TBC1D5: variants seen among roughly 807,000 people sequenced by gnomAD.
The protein encoded by TBC1D5 is TBC1 domain family, member 5.
Under a neutral mutation model 100.3 loss-of-function variants are expected in TBC1D5, and 75 were observed. The observed-to-expected ratio is 0.75, with a 90% CI of 0.62 to 0.91. The LOEUF is 0.91. Among genes scored for constraint, TBC1D5 ranks in the 40% least tolerant of loss-of-function variants. TBC1D5 has a pLI of 0.00. For missense variants in TBC1D5, 910 were observed against 942.4 expected, an observed-to-expected ratio of 0.97 and a Z score of 0.45; for synonymous variants, 323 against 325.6, an observed-to-expected ratio of 0.99 and a Z score of 0.09.
At chr3:17,469,377 G>T (rs1373022321) in intron 3 of TBC1D5, among the ~76,000 whole-genome samples, 1 of 151,994 alleles carries the variant, frequency 6.6e-6, no homozygotes, top group Non-Finnish European at 1.5e-5. Context: ...TAAAAACAGA[G>T]ATTTCCCAAA....
chr3:17,592,903 T>C (rs1422754750), intron 2 of TBC1D5, among the ~76,000 whole-genome samples: 1 of 152,178 alleles, frequency 6.6e-6, no homozygotes, highest in Admixed American at 6.5e-5. Flanking sequence ...AAACTGAATG[T>C]TTGACTATGG....
At chr3:17,431,647 G>A (rs1265234995) in intron 3 of TBC1D5, among the ~76,000 whole-genome samples, 1 of 151,688 alleles carries the variant, frequency 6.6e-6, no homozygotes, top group Non-Finnish European at 1.5e-5. Flanking sequence ...TTTCCTAATG[G>A]GTTCATAATA....
At chr3:17,436,765 C>G (rs1327876215) in intron 3 of TBC1D5, among the ~76,000 whole-genome samples, 2 of 152,082 alleles carry the variant, frequency 1.3e-5, no homozygotes, top group Non-Finnish European at 2.9e-5. Flanking sequence ...CATGGTCAGT[C>G]TATCAATAAA....
chr3:17,397,305 G>A (rs945371955), intron 8 of TBC1D5, among the ~76,000 whole-genome samples: 2 of 152,178 alleles, frequency 1.3e-5, no homozygotes, highest in Non-Finnish European at 2.9e-5. Flanking sequence ...GACAAAATTT[G>A]CTTAAATAGA....
At position 17,588,548 on chromosome 3, in the gene TBC1D5, T is replaced by C. The variant is rs535878932; in HGVS notation, c.-36+35301A>G. 3.3e-5 allele frequency among the ~76,000 whole-genome samples: 5 copies of C among 150,902 alleles called. No individual in the cohort carries two copies. The South Asian group carries it at 1.0e-3, about 31-fold the overall frequency. On this transcript the variant is annotated intron_variant, in intron 2 of 21. Coordinates refer to ENST00000253692, the Ensembl canonical transcript of TBC1D5. Reference sequence around the variant, plus strand: ...ATAATTTATGTAACATCTGTTTTCATATTTTCCTAATTTTTTTCCTAATTA... The same window carrying C: ...ATAATTTATGTAACATCTGTTTTCACATTTTCCTAATTTTTTTCCTAATTA...
chr3:17,311,066 AGTAAGCT>A (rs1216140725), intron 13 of TBC1D5, among the ~76,000 whole-genome samples: 1 of 152,054 alleles, frequency 6.6e-6, no homozygotes, highest in African/African-American at 2.4e-5. Context: ...AAATTATTTC[AGTAAGCT>A]TTTATATTCT....
At chr3:17,170,242 G>C (rs2067038371) in intron 19 of TBC1D5, among the ~76,000 whole-genome samples, 1 of 152,220 alleles carries the variant, frequency 6.6e-6, no homozygotes, top group South Asian at 2.1e-4. Flanking sequence ...TTTTGCCTCT[G>C]CTGAGCTGAG....
intron 2 of TBC1D5, among the ~76,000 whole-genome samples, chr3:17,552,665 T>C (rs1202249343): frequency 2.6e-5 from 4 of 152,108 alleles, no homozygotes; most frequent in Admixed American, 6.6e-5. Context: ...CAGGTGGTGG[T>C]GCTAATAGCT....
chr3:17,299,033 A>G (rs1048849376), intron 14 of TBC1D5, among the ~76,000 whole-genome samples: 1 of 152,228 alleles, frequency 6.6e-6, no homozygotes, highest in African/African-American at 2.4e-5. Context: ...AATTATGGTA[A>G]AAGATTAGCA....
At chr3:17,256,819 G>A (rs1373315697) in intron 16 of TBC1D5, among the ~76,000 whole-genome samples, 2 of 152,148 alleles carry the variant, frequency 1.3e-5, no homozygotes, top group Non-Finnish European at 2.9e-5. Context: ...GAATAGGGGA[G>A]GTGAAGACAG....
chr3:17,629,980 G>A (rs1170594108), intron 1 of TBC1D5, among the ~76,000 whole-genome samples: 1 of 152,120 alleles, frequency 6.6e-6, no homozygotes, highest in Non-Finnish European at 1.5e-5. Context: ...TAAAAATAAG[G>A]CAGGATGACA....
chr3:17,733,233 T>C (rs1250740808), intron 1 of TBC1D5, among the ~76,000 whole-genome samples: 1 of 152,174 alleles, frequency 6.6e-6, no homozygotes, highest in African/African-American at 2.4e-5. Context: ...TCCAGGTCTA[T>C]TTATCACTTC....
intron 16 of TBC1D5, among the ~76,000 whole-genome samples, chr3:17,256,645 A>G (rs2077715042): frequency 6.6e-6 from 1 of 152,160 alleles, no homozygotes; most frequent in Admixed American, 6.5e-5. Flanking sequence ...ATATGTGTTG[A>G]GTGCCTTCCC....
chr3:17,661,290 G>C (rs1306855879), intron 1 of TBC1D5, among the ~76,000 whole-genome samples: 3 of 152,152 alleles, frequency 2.0e-5, no homozygotes, highest in Non-Finnish European at 4.4e-5. Context: ...GAGACTTAAT[G>C]GTTATACATC....
At position 17,664,326 on chromosome 3, in the gene TBC1D5, TC is replaced by T. The variant is rs1244835815; in HGVS notation, c.-100-40414del. On this transcript the variant is annotated intron_variant, in intron 1 of 21. Coordinates refer to ENST00000253692, the Ensembl canonical transcript of TBC1D5. ...ACCTCGTAATCCACCCACCTCAGCC[TC>T]CCAAAGTGCTGGGATTACAGGTGTG... is the stretch of plus-strand genomic sequence containing the variant. Among the ~76,000 whole-genome samples, 6 of 152,264 alleles carry T rather than the reference TC, an allele frequency of 3.9e-5. No individual in the cohort carries two copies. The East Asian group carries it at 9.7e-4, about 25-fold the overall frequency.
At chr3:17,424,253 A>G (rs916149239) in intron 4 of TBC1D5, among the ~76,000 whole-genome samples, 1 of 152,232 alleles carries the variant, frequency 6.6e-6, no homozygotes, top group East Asian at 1.9e-4. Context: ...TACTACAGCT[A>G]AACAGATTAA....
At position 17,360,230 on chromosome 3, in the gene TBC1D5, T is replaced by C. The variant is rs758056840; in HGVS notation, c.995+11845A>G. 2.6e-5 allele frequency among the ~76,000 whole-genome samples: 4 copies of C among 152,042 alleles called. No homozygotes were observed. In the South Asian group the frequency reaches 6.2e-4, roughly 24 times the overall value. ...TTTATTTTTCCTGACCCTTGTTAGA[T>C]GGTATTTTGTAATTATAAAGTTTTG... On this transcript the variant is annotated intron_variant, in intron 13 of 21. Transcript: ENST00000253692.
chr3:17,488,832 C>T (rs1036233432), intron 3 of TBC1D5, among the ~76,000 whole-genome samples: 6 of 151,634 alleles, frequency 4.0e-5, no homozygotes, highest in African/African-American at 7.3e-5. Flanking sequence ...GGTGGGCGAG[C>T]ATGCATTACC....
At chr3:17,392,363 C>A (rs2093375840) in intron 8 of TBC1D5, among the ~76,000 whole-genome samples, 1 of 151,154 alleles carries the variant, frequency 6.6e-6, no homozygotes, top group African/African-American at 2.5e-5. Context: ...TCATGTGACC[C>A]TTTTTTTAAA....
Sources: allele counts gnomAD v4.1 joint callset (sites outside exome capture counted in the v4.1 genomes callset), GRCh38; gene constraint gnomAD v4.1.1; transcripts MANE v1.5; gene names NCBI Gene and HGNC (gene_info 2026-07-23, HGNC 2026-07-21).